Variants in IL6ST observed in about 807,000 individuals in gnomAD.
IL6ST encodes interleukin 6 cytokine family signal transducer, also known as interleukin-6 receptor subunit beta.
IL6ST carries 24 observed loss-of-function variants against 91.3 expected under a neutral mutation model. That is an observed-to-expected ratio of 0.26 (90% confidence interval 0.19 to 0.37). The LOEUF is 0.37. IL6ST is among the 10% of genes least tolerant of loss of function. IL6ST has a pLI of 1.00. For synonymous variants in IL6ST, 351 were observed against 373.6 expected, an observed-to-expected ratio of 0.94 and a Z score of 0.70; for missense variants, 914 against 1,078.5, an observed-to-expected ratio of 0.85 and a Z score of 2.14.
intron 15 of IL6ST, among the ~76,000 whole-genome samples, chr5:55,945,158 T>C (rs1289364075): frequency 2.6e-5 from 4 of 151,830 alleles, no homozygotes; most frequent in African/African-American, 9.7e-5. Context: ...CAAGCTGAAT[T>C]AAAATGTATA....
At chr5:55,946,707 C>T (rs1342858161) in intron 15 of IL6ST, among the ~76,000 whole-genome samples, 1 of 151,516 alleles carries the variant, frequency 6.6e-6, no homozygotes, top group Non-Finnish European at 1.5e-5. Flanking sequence ...ATCCCAGTTA[C>T]TCAAGAGGCT....
intron 5 of IL6ST, among the ~76,000 whole-genome samples, chr5:55,965,612 T>C (rs1580827717): frequency 6.6e-6 from 1 of 152,178 alleles, no homozygotes; most frequent in East Asian, 1.9e-4. Context: ...AAAGGTTGAT[T>C]CCAGGTCTGG....
At chr5:55,959,429 T>TTGA (rs529506656) in intron 8 of IL6ST, among the ~76,000 whole-genome samples, 56 of 152,294 alleles carry the variant, frequency 3.7e-4, no homozygotes, top group African/African-American at 1.2e-3. Context: ...GCTACTGCCA[T>TTGA]TGATAACTAA....
chr5:55,954,830 A>G lies in IL6ST; in HGVS notation c.1430T>C (p.Val477Ala). 6.2e-7 allele frequency: 1 copy of G among 1,611,152 alleles called. No individual in the cohort carries two copies. ...TATACCTCTTAAATAGGTGCGATGC[A>G]CGGTACCATCTTCTTGTTGCCAGTC... Reference protein sequence around the residue: ...ITDWQQEDGTVHRTYLRGNLA... With the variant: ...ITDWQQEDGTAHRTYLRGNLA... Residue 477 changes from valine to alanine, a missense_variant, in exon 11 of 17, where the codon GTG becomes GCG. By Grantham distance (64) the Val-to-Ala change is moderately conservative. Transcript: ENST00000381298.
intron 3 of IL6ST, among the ~76,000 whole-genome samples, chr5:55,973,741 G>C (rs1379793434): frequency 6.6e-6 from 1 of 152,178 alleles, no homozygotes; most frequent in Non-Finnish European, 1.5e-5. Context: ...TTTAAGCCTT[G>C]AAGATTTGGA....
At chr5:55,950,136 A>G in intron 14 of IL6ST, 1 of 468,744 alleles carries the variant, frequency 2.1e-6, no homozygotes. Context: ...TTGTAATCAC[A>G]TTTAAATTTA....
chr5:55,972,708 A>G (rs183165173), intron 3 of IL6ST, among the ~76,000 whole-genome samples: 238 of 152,176 alleles, frequency 1.6e-3, no homozygotes, highest in Non-Finnish European at 3.2e-3. Flanking sequence ...TGTGAATTAG[A>G]ATACACTATA....
In IL6ST at chr5:55,941,789, A is replaced by C. The variant is rs749140248; in HGVS notation, c.2050T>G (p.Ser684Ala). The change falls in exon 17 of 17, where the codon TCA becomes GCA. Residue 684 changes from serine (S) to alanine (A), a missense_variant. By Grantham distance (99) the Ser-to-Ala change is moderately conservative. Transcript: ENST00000381298. ...CTTACATCAGTGAAATTGCCATCTGAATACATTTGATCTTTTGAATTAAAA... is the reference window on the plus strand; with the variant it reads ...CTTACATCAGTGAAATTGCCATCTGCATACATTTGATCTTTTGAATTAAAA... ...HNFNSKDQMY[S>A]DGNFTDVSVV... 18 of 1,612,514 alleles carry C rather than the reference A, an allele frequency of 1.1e-5. No homozygotes were observed. The highest frequency in any genetic ancestry group is 1.5e-5 in the Non-Finnish European group (18 of 1,179,396).
rs1750934317 is a variant in IL6ST at position 55,941,739 on chromosome 5, G to C, written c.2100C>G (p.Asp700Glu). 6.2e-7 allele frequency: 1 copy of C among 1,613,800 alleles called. No individual in the cohort carries two copies. Among genetic ancestry groups the C allele is most frequent in the South Asian group, 1.1e-5 (1 of 91,078 alleles). The change falls in exon 17 of 17, where the codon GAC becomes GAG. Residue 700 changes from aspartate to glutamate, a missense_variant. Transcript: ENST00000381298. ...TCAGATCTTCTGGAAAAGGCTTTTTGTCATTTGCTTCTATTTCCACAACAC... is the reference window on the plus strand; with the variant it reads ...TCAGATCTTCTGGAAAAGGCTTTTTCTCATTTGCTTCTATTTCCACAACAC... ...DVSVVEIEAN[D>E]KKPFPEDLKS...
intron 15 of IL6ST, among the ~76,000 whole-genome samples, chr5:55,945,528 T>C (rs542434798): frequency 8.6e-5 from 13 of 152,044 alleles, no homozygotes; most frequent in African/African-American, 3.1e-4. Context: ...GCTGAAACTA[T>C]TGAACTTATG....
At chr5:55,953,334 G>A (rs1460349339) in intron 11 of IL6ST, among the ~76,000 whole-genome samples, 1 of 152,050 alleles carries the variant, frequency 6.6e-6, no homozygotes, top group African/African-American at 2.4e-5. Flanking sequence ...ATGCTTTCAG[G>A]GTTACTGAGC....
chr5:55,976,533 GTTTC>G (rs1349690422), intron 2 of IL6ST, among the ~76,000 whole-genome samples: 2 of 152,094 alleles, frequency 1.3e-5, no homozygotes, highest in Non-Finnish European at 2.9e-5. Context: ...GAGATATCTT[GTTTC>G]TTTCTTATGT....
At chr5:55,953,050 G>C (rs2111687152) in intron 11 of IL6ST, among the ~76,000 whole-genome samples, 1 of 152,164 alleles carries the variant, frequency 6.6e-6, no homozygotes, top group South Asian at 2.1e-4. Flanking sequence ...GACAGAGTGA[G>C]ACTCTGTCTC....
At position 55,994,945 on chromosome 5, in the gene IL6ST, C is replaced by T. The variant is rs952514824; in HGVS notation, c.-265G>A. 4 of 152,134 alleles carry T rather than the reference C, an allele frequency of 2.6e-5. No individual in the cohort carries two copies. The highest frequency in any genetic ancestry group is 4.4e-5 in the Non-Finnish European group (3 of 68,074). 9.4% of individuals were successfully genotyped at this position (152,134 alleles called of 1,614,324 possible). A position where few individuals can be genotyped will look rare whatever the true frequency, so the allele number is the denominator to read the frequency against. On this transcript the variant is annotated 5_prime_UTR_variant, in exon 1 of 17. Coordinates refer to ENST00000381298, the MANE Select transcript of IL6ST (RefSeq NM_002184.4). ...GGCCTTTTGGCTGCTCGCCCCGGCTCCGGAACACTGTCAGATCCTTCTCCG... is the reference window on the plus strand; with the variant it reads ...GGCCTTTTGGCTGCTCGCCCCGGCTTCGGAACACTGTCAGATCCTTCTCCG...
chr5:55,989,378 C>A (rs915132209), intron 1 of IL6ST, among the ~76,000 whole-genome samples: 2 of 151,926 alleles, frequency 1.3e-5, no homozygotes, highest in African/African-American at 4.8e-5. Flanking sequence ...AAAAAAAGAA[C>A]CCCATTTCAT....
chr5:55,953,911 T>TGG, intron 11 of IL6ST, among the ~76,000 whole-genome samples: 1 of 152,178 alleles, frequency 6.6e-6, no homozygotes, highest in Non-Finnish European at 1.5e-5. Context: ...CACTTCAGCC[T>TGG]GGGAGTTGAA....
intron 2 of IL6ST, among the ~76,000 whole-genome samples, chr5:55,977,092 A>T (rs987338666): frequency 1.3e-5 from 2 of 152,168 alleles, no homozygotes; most frequent in Non-Finnish European, 2.9e-5. Context: ...ATAAACATAC[A>T]TTCAAACAAT....
At chr5:55,968,010 TG>T (rs1175214284) in intron 5 of IL6ST, among the ~76,000 whole-genome samples, 2 of 152,128 alleles carry the variant, frequency 1.3e-5, no homozygotes, top group African/African-American at 2.4e-5. Flanking sequence ...TTGGCCAGGC[TG>T]GTCTCGAACT....
chr5:55,990,525 G>A (rs971694738), intron 1 of IL6ST, among the ~76,000 whole-genome samples: 1 of 152,088 alleles, frequency 6.6e-6, no homozygotes, highest in African/African-American at 2.4e-5. Context: ...ACTGGGCATC[G>A]ACTTTTCTTT....
Sources: gnomAD v4.1 joint callset for allele counts (sites outside exome capture counted in the v4.1 genomes callset) on GRCh38, gnomAD v4.1.1 for gene constraint, MANE v1.5 for transcripts, NCBI Gene and HGNC (gene_info 2026-07-23, HGNC 2026-07-21) for gene names.